AGBL4: variants seen among roughly 807,000 people sequenced by gnomAD.
AGBL4 encodes the protein cytosolic carboxypeptidase 6.
AGBL4 carries 58 observed loss-of-function variants against 66.4 expected under a neutral mutation model. The ratio of observed to expected loss-of-function variants is 0.87; its 90% CI spans 0.71 to 1.09. AGBL4 has a LOEUF of 1.09. Among genes scored for constraint, AGBL4 ranks in the 50% least tolerant of loss-of-function variants. The probability of loss-of-function intolerance (pLI) is 0.00; values close to 1 mark genes in which losing one functional copy is unlikely to be tolerated. For synonymous variants in AGBL4, 234 were observed against 222.9 expected (o/e 1.05, Z -0.44); for missense variants, 579 against 631.0 (o/e 0.92, Z 0.88).
At chr1:49,583,821 G>A (rs143451541) in intron 3 of AGBL4, among the ~76,000 whole-genome samples, 149 of 152,236 alleles carry the variant, frequency 9.8e-4, no homozygotes, top group African/African-American at 3.5e-3. Flanking sequence ...ATCATCTCTA[G>A]AACAGAAAAA....
intron 1 of AGBL4, among the ~76,000 whole-genome samples, chr1:49,901,879 A>G (rs1002522807): frequency 2.0e-5 from 3 of 152,230 alleles, no homozygotes; most frequent in African/African-American, 7.2e-5. Flanking sequence ...CCCAGAAATA[A>G]TCCCTCATAC....
chr1:49,936,467 G>C (rs1002823237), intron 1 of AGBL4, among the ~76,000 whole-genome samples: 13 of 152,182 alleles, frequency 8.5e-5, no homozygotes, highest in Admixed American at 5.9e-4. Context: ...CCAACATTCA[G>C]ATTCAGGAAA....
At chr1:49,425,585 T>C (rs1343294760) in intron 3 of AGBL4, among the ~76,000 whole-genome samples, 1 of 152,226 alleles carries the variant, frequency 6.6e-6, no homozygotes, top group East Asian at 1.9e-4. Context: ...CATATATTTT[T>C]GTCTTAAAGC....
At chr1:49,285,522 G>A (rs906385687) in intron 3 of AGBL4, among the ~76,000 whole-genome samples, 3 of 152,010 alleles carry the variant, frequency 2.0e-5, no homozygotes, top group African/African-American at 7.2e-5. Flanking sequence ...ACTAAAATCA[G>A]CGTAGAACAG....
At chr1:49,163,473 T>C (rs1206857941) in intron 4 of AGBL4, among the ~76,000 whole-genome samples, 3 of 152,208 alleles carry the variant, frequency 2.0e-5, no homozygotes, top group Non-Finnish European at 4.4e-5. Flanking sequence ...ATTCTGTACA[T>C]GCCTATTTTT....
chr1:49,373,175 AAC>A (rs1195427340), intron 3 of AGBL4, among the ~76,000 whole-genome samples: 1 of 152,178 alleles, frequency 6.6e-6, no homozygotes, highest in Admixed American at 6.5e-5. Context: ...TGTCCTGTAT[AAC>A]AGTTATTTAG....
chr1:49,955,596 T>A (rs1280175865), intron 1 of AGBL4, among the ~76,000 whole-genome samples: 11 of 151,944 alleles, frequency 7.2e-5, no homozygotes, highest in South Asian at 2.1e-4. Context: ...CCAGCTCCCC[T>A]ATATCTATAA....
chr1:49,945,701 A>T (rs1655143348), intron 1 of AGBL4, among the ~76,000 whole-genome samples: 1 of 152,074 alleles, frequency 6.6e-6, no homozygotes, highest in African/African-American at 2.4e-5. Flanking sequence ...AATGGAATAC[A>T]ACCTCATATC....
intron 7 of AGBL4, among the ~76,000 whole-genome samples, chr1:48,657,351 T>C (rs1176302527): frequency 1.3e-5 from 2 of 152,208 alleles, no homozygotes; most frequent in Non-Finnish European, 2.9e-5. Flanking sequence ...AACAAGGATT[T>C]GCTGTTCCAG....
chr1:49,795,614 T>G (rs912859828), intron 2 of AGBL4, among the ~76,000 whole-genome samples: 8 of 151,782 alleles, frequency 5.3e-5, no homozygotes, highest in Non-Finnish European at 8.8e-5. Flanking sequence ...CAAAATGTTA[T>G]AAACCACAGA....
chr1:49,263,624 A>G (rs1653449192), intron 3 of AGBL4, among the ~76,000 whole-genome samples: 1 of 152,222 alleles, frequency 6.6e-6, no homozygotes, highest in African/African-American at 2.4e-5. Flanking sequence ...AGTAAATCTA[A>G]TATCAAGTAT....
At chr1:49,026,015 C>G (rs1340045752) in intron 5 of AGBL4, among the ~76,000 whole-genome samples, 1 of 151,952 alleles carries the variant, frequency 6.6e-6, no homozygotes. Flanking sequence ...GTAAATTTAC[C>G]AAGTGTGCCT....
rs77859632 is a variant in AGBL4 at position 49,321,549 on chromosome 1, C to T, written c.283-75685G>A. On this transcript the variant is annotated intron_variant, in intron 3 of 13. Coordinates refer to ENST00000371839, the MANE Select transcript of AGBL4 (RefSeq NM_032785.4). The stretch of plus-strand genomic sequence containing the variant: ...CTAATGAAATAGAAAATTTATATAT[C>T]CTGTGACCCAACAATCCCACTTCTA... Among the ~76,000 whole-genome samples the T allele has an allele frequency of 2.2e-3, 329 of 152,222 alleles. 11 individuals carry two copies. In the East Asian group the frequency reaches 0.056, roughly 26 times the overall value.
chr1:49,760,743 TTACAATAG>T (rs1558229489), intron 2 of AGBL4, among the ~76,000 whole-genome samples: 1 of 152,124 alleles, frequency 6.6e-6, no homozygotes, highest in Non-Finnish European at 1.5e-5. Flanking sequence ...GCAGCACTAT[TTACAATAG>T]AAAAGACATA....
Position 49,053,507 on chromosome 1 carries a change from G to T in AGBL4, c.378-7707C>A, listed in dbSNP as rs115506623. 7.2e-4 allele frequency among the ~76,000 whole-genome samples: 109 copies of T among 152,232 alleles called. 1 individual carries two copies. The highest frequency in any genetic ancestry group is 2.3e-3 in the African/African-American group (96 of 41,574). On this transcript the variant is annotated intron_variant, in intron 4 of 13. Coordinates refer to ENST00000371839, the MANE Select transcript of AGBL4 (RefSeq NM_032785.4). ...TGTTGTAACCTTCAAGATACATGGAGCCTCCAGGTTACTAGTTAGTGGGAT... is the reference window on the plus strand; with the variant it reads ...TGTTGTAACCTTCAAGATACATGGATCCTCCAGGTTACTAGTTAGTGGGAT...
intron 6 of AGBL4, among the ~76,000 whole-genome samples, chr1:48,680,323 C>G (rs918893245): frequency 6.6e-6 from 1 of 152,202 alleles, no homozygotes; most frequent in African/African-American, 2.4e-5. Flanking sequence ...AAGATCGTGT[C>G]CGTTACCTTG....
chr1:49,909,253 T>C (rs995187428), intron 1 of AGBL4, among the ~76,000 whole-genome samples: 3 of 152,168 alleles, frequency 2.0e-5, no homozygotes, highest in Non-Finnish European at 4.4e-5. Flanking sequence ...TTGTTAAATA[T>C]ATACATTCAT....
intron 11 of AGBL4, among the ~76,000 whole-genome samples, chr1:48,573,073 C>T (rs866800874): frequency 1.3e-5 from 2 of 152,200 alleles, no homozygotes; most frequent in South Asian, 2.1e-4. Flanking sequence ...ACCGGCCCAG[C>T]GCCTCCTCTA....
rs546980346 is a variant in AGBL4, at chr1:49,193,419, T to A, written c.377+52351A>T. Among the ~76,000 whole-genome samples, 44 of 142,314 alleles carry A rather than the reference T, an allele frequency of 3.1e-4. 1 individual carries two copies. The highest frequency in any genetic ancestry group is 4.4e-4 in the Non-Finnish European group (27 of 61,568). The allele number at this position is 142,314 out of a possible 152,430, so 93.4% of individuals were successfully genotyped here. On this transcript the variant is annotated intron_variant, in intron 4 of 13. Transcript: ENST00000371839. ...GTTTCCATATTCATTCATTTCAAAA[T>A]TTTTTTTTAATTTCTATATTAATTT...
Sources: allele counts gnomAD v4.1 joint callset (sites outside exome capture counted in the v4.1 genomes callset), GRCh38; gene constraint gnomAD v4.1.1; transcripts MANE v1.5; gene names NCBI Gene and HGNC (gene_info 2026-07-23, HGNC 2026-07-21).